The following TADA2A variants were observed in gnomAD, a reference collection of about 807,000 sequenced individuals.
TADA2A encodes the protein transcriptional adaptor 2A.
In TADA2A, 38 loss-of-function variants were observed where a neutral mutation model predicts 67.4. The ratio of observed to expected loss-of-function variants is 0.56; its 90% CI spans 0.44 to 0.74. The LOEUF (loss-of-function observed/expected upper bound fraction) is 0.74, where lower values mean the gene tolerates loss of function less well. Among genes scored for constraint, TADA2A ranks in the 30% least tolerant of loss-of-function variants. The pLI, the probability that TADA2A is intolerant of heterozygous loss-of-function variation, is 0.00. For missense variants in TADA2A, 454 were observed against 547.0 expected, an observed-to-expected ratio of 0.83 and a Z score of 1.70; for synonymous variants, 192 against 181.6, an observed-to-expected ratio of 1.06 and a Z score of -0.46.
chr17:37,449,051 C>T (rs182899680), intron 8 of TADA2A, among the ~76,000 whole-genome samples: 13 of 151,666 alleles, frequency 8.6e-5, no homozygotes, highest in Non-Finnish European at 1.8e-4. Flanking sequence ...GACGGAGTCT[C>T]GCTCTATCGC....
intron 9 of TADA2A, chr17:37,461,783 G>A (rs1377494112): frequency 7.8e-6 from 2 of 254,990 alleles, no homozygotes; most frequent in Non-Finnish European, 1.5e-5. Flanking sequence ...TTCATCTTAA[G>A]TGACAGACAT....
At chr17:37,407,748 C>G (rs186210781) in intron 1 of TADA2A, among the ~76,000 whole-genome samples, 22 of 152,100 alleles carry the variant, frequency 1.4e-4, no homozygotes, top group African/African-American at 4.8e-4. Flanking sequence ...GCCACCACGC[C>G]CAGCTAATAT....
At chr17:37,425,871 G>A (rs1199877152) in intron 3 of TADA2A, among the ~76,000 whole-genome samples, 1 of 147,852 alleles carries the variant, frequency 6.8e-6, no homozygotes, top group Non-Finnish European at 1.5e-5. Flanking sequence ...TGCTCAGGCT[G>A]GTCTGGAACT....
intron 3 of TADA2A, chr17:37,426,676 A>C (rs934073062): frequency 2.2e-5 from 5 of 227,400 alleles, no homozygotes; most frequent in South Asian, 1.3e-4. Context: ...AAAAAAAAAA[A>C]AAAAAAAAAA....
At chr17:37,446,330 T>C (rs1442684142) in intron 8 of TADA2A, among the ~76,000 whole-genome samples, 1 of 152,324 alleles carries the variant, frequency 6.6e-6, no homozygotes. Context: ...GAAGGTAGTA[T>C]GCAGACTGCC....
chr17:37,438,665 A>G (rs1250180299), intron 5 of TADA2A, among the ~76,000 whole-genome samples: 1 of 152,234 alleles, frequency 6.6e-6, no homozygotes, highest in Admixed American at 6.5e-5. Flanking sequence ...GCTTGTATTC[A>G]TTCATTCAGT....
Position 37,477,143 on chromosome 17 carries a change from T to C in TADA2A, c.*161T>C. On this transcript the variant is annotated 3_prime_UTR_variant, in exon 16 of 16. Transcript: ENST00000615182. ...TTAAGTTGTATTGTCTACTTTCTTC[T>C]CCATCCTGCTTTAAAACACTCCTGT... 1 of 692,344 alleles carries C rather than the reference T, an allele frequency of 1.4e-6. No individual in the cohort carries two copies. The highest frequency in any genetic ancestry group is 2.3e-6 in the Non-Finnish European group (1 of 432,150). 42.9% of individuals were successfully genotyped at this position (692,344 alleles called of 1,614,324 possible).
At chr17:37,468,461 C>G (rs2053714469) in intron 12 of TADA2A, among the ~76,000 whole-genome samples, 2 of 151,950 alleles carry the variant, frequency 1.3e-5, no homozygotes, top group African/African-American at 4.8e-5. Flanking sequence ...ACTTAAAAAG[C>G]TTGAGTATAA....
chr17:37,469,330 A>G (rs1380604328), intron 12 of TADA2A, among the ~76,000 whole-genome samples: 1 of 151,742 alleles, frequency 6.6e-6, no homozygotes, highest in African/African-American at 2.4e-5. Context: ...GTGAGCCCCA[A>G]TCTACAAATA....
At chr17:37,450,089 A>G (rs1359220500) in intron 8 of TADA2A, among the ~76,000 whole-genome samples, 1 of 152,210 alleles carries the variant, frequency 6.6e-6, no homozygotes, top group African/African-American at 2.4e-5. Context: ...ATAAAAAACA[A>G]ACAAACTCAT....
At chr17:37,471,180 TG>T (rs758943383) in intron 14 of TADA2A, 43 bp downstream of exon 14, 1 of 1,601,880 alleles carries the variant, frequency 6.2e-7, no homozygotes, top group Non-Finnish European at 8.5e-7. Context: ...TTGTGAAGTT[TG>T]CATCGTAGGG....
rs2052113723 is a variant in TADA2A at position 37,418,255 on chromosome 17, G to A, written c.26-5254G>A. 5.3e-5 allele frequency among the ~76,000 whole-genome samples: 8 copies of A among 152,252 alleles called. No individual in the cohort carries two copies. In the South Asian group the frequency reaches 1.7e-3, roughly 32 times the overall value. On this transcript the variant is annotated intron_variant, in intron 2 of 15. Transcript: ENST00000615182. ...TATGAGATTTTTCATTCACTTGAAT[G>A]TCTGGTGGGACATTTGAAAGTTGCA...
chr17:37,427,595 T>TTC (rs1180685203), intron 4 of TADA2A, among the ~76,000 whole-genome samples: 1 of 152,186 alleles, frequency 6.6e-6, no homozygotes, highest in African/African-American at 2.4e-5. Context: ...GTGTTCGTAG[T>TTC]GTCCTTCCAA....
rs528750505 is a variant in TADA2A, at chr17:37,472,376, CT to C, written c.1072+1249del. Among the ~76,000 whole-genome samples, 1,262 of 148,066 alleles carry C rather than the reference CT, an allele frequency of 8.5e-3. 7 individuals carry two copies. The highest frequency in any genetic ancestry group is 0.028 in the African/African-American group (1,149 of 40,514). On this transcript the variant is annotated intron_variant, in intron 14 of 15. Transcript: ENST00000615182. ...CCACTGCGCCTGGTCACTGAAGGGA[CT>C]TTTTTTTTTCCCCCATTTATTCCTT...
intron 14 of TADA2A, among the ~76,000 whole-genome samples, chr17:37,473,110 C>T (rs1273921598): frequency 6.7e-6 from 1 of 150,136 alleles, no homozygotes; most frequent in African/African-American, 2.4e-5. Flanking sequence ...CAGGTGAATG[C>T]CACCAAACCT....
chr17:37,449,368 A>G (rs2053170771), intron 8 of TADA2A, among the ~76,000 whole-genome samples: 1 of 152,232 alleles, frequency 6.6e-6, no homozygotes, highest in Admixed American at 6.5e-5. Context: ...GAATACTATC[A>G]GTAATAATTG....
At chr17:37,468,600 C>G (rs954533073) in intron 12 of TADA2A, among the ~76,000 whole-genome samples, 2 of 151,928 alleles carry the variant, frequency 1.3e-5, no homozygotes, top group Middle Eastern at 3.4e-3. Context: ...CTCCTGGCCT[C>G]AAGCAGTCCT....
chr17:37,436,187 AT>A (rs1306725472), intron 4 of TADA2A, among the ~76,000 whole-genome samples: 1 of 152,128 alleles, frequency 6.6e-6, no homozygotes, highest in African/African-American at 2.4e-5. Context: ...CTAAAGAAAC[AT>A]TTTAAGATTT....
chr17:37,437,108 C>T (rs1292501629), intron 4 of TADA2A, among the ~76,000 whole-genome samples: 4 of 144,784 alleles, frequency 2.8e-5, no homozygotes, highest in African/African-American at 1.0e-4. Flanking sequence ...TTTTTTGAAA[C>T]GGAGTCTTGC....
Sources: allele counts gnomAD v4.1 joint callset (sites outside exome capture counted in the v4.1 genomes callset), GRCh38; gene constraint gnomAD v4.1.1; transcripts MANE v1.5; gene names NCBI Gene and HGNC (gene_info 2026-07-23, HGNC 2026-07-21).